AFF2: variants seen among roughly 807,000 people sequenced by gnomAD.
AFF2 encodes the protein AF4/FMR2 family member 2.
In AFF2, 14 loss-of-function variants were observed where a neutral mutation model predicts 76.9. The ratio of observed to expected loss-of-function variants is 0.18; its 90% CI spans 0.12 to 0.28. The LOEUF is 0.28. Among genes scored for constraint, AFF2 ranks in the 10% least tolerant of loss-of-function variants. The probability of loss-of-function intolerance (pLI) is 1.00; values close to 1 mark genes in which losing one functional copy is unlikely to be tolerated. For synonymous variants in AFF2, 398 were observed against 366.7 expected (o/e 1.09, Z -0.98); for missense variants, 868 against 1,001.1 (o/e 0.87, Z 1.79).
intron 3 of AFF2, among the ~76,000 whole-genome samples, chrX:148,756,744 G>T (rs976701819): frequency 2.7e-5 from 3 of 112,874 alleles, no homozygotes; most frequent in Non-Finnish European, 5.6e-5. Flanking sequence ...TATACATGGT[G>T]CTGACTGAAT....
intron 3 of AFF2, among the ~76,000 whole-genome samples, chrX:148,696,513 C>T (rs1222377393): frequency 5.4e-5 from 6 of 111,408 alleles, no homozygotes; most frequent in African/African-American, 2.0e-4. Flanking sequence ...TCTTCATATA[C>T]ATAGCTCTGG....
At chrX:148,739,083 G>A (rs180678325) in intron 3 of AFF2, among the ~76,000 whole-genome samples, 26 of 111,564 alleles carry the variant, frequency 2.3e-4, no homozygotes, top group East Asian at 8.4e-4. Flanking sequence ...AATAGAATGC[G>A]TATTCTACAG....
chrX:148,616,705 T>C (rs190857422), intron 1 of AFF2, among the ~76,000 whole-genome samples: 1,440 of 110,087 alleles, frequency 0.013, 37 homozygotes, highest in African/African-American at 0.043. Flanking sequence ...ATATATCTCC[T>C]AATGCTATCC....
At chrX:148,938,946 C>T (rs1489091839) in intron 9 of AFF2, among the ~76,000 whole-genome samples, 2 of 111,624 alleles carry the variant, frequency 1.8e-5, no homozygotes, top group African/African-American at 3.2e-5. Context: ...AGTGCATATA[C>T]TGGAAACATC....
chrX:148,551,735 C>G (rs1285401079), intron 1 of AFF2, among the ~76,000 whole-genome samples: 4 of 111,448 alleles, frequency 3.6e-5, no homozygotes, highest in African/African-American at 1.3e-4. Context: ...CAGGGCCAAT[C>G]AAGGGCTTCT....
At chrX:148,580,447 T>C (rs1557244206) in intron 1 of AFF2, among the ~76,000 whole-genome samples, 2 of 111,554 alleles carry the variant, frequency 1.8e-5, no homozygotes, top group African/African-American at 6.5e-5. Context: ...GCCAAGTCTC[T>C]TAGCACGGTA....
At chrX:148,952,629 T>G (rs5980611) in intron 9 of AFF2, among the ~76,000 whole-genome samples, 1 of 110,923 alleles carries the variant, frequency 9.0e-6, no homozygotes, top group South Asian at 3.8e-4. Flanking sequence ...GTGTACCAAG[T>G]TGCAGCTGAG....
At chrX:148,626,552 T>A (rs1195887165) in intron 1 of AFF2, among the ~76,000 whole-genome samples, 1 of 109,310 alleles carries the variant, frequency 9.1e-6, no homozygotes, top group African/African-American at 3.5e-5. Context: ...ATGGTTATAT[T>A]TTTTTCTTAC....
chrX:148,944,505 T>G (rs781971246), intron 9 of AFF2, among the ~76,000 whole-genome samples: 1 of 107,576 alleles, frequency 9.3e-6, no homozygotes, highest in East Asian at 3.0e-4. Context: ...CTCCCATTTT[T>G]AAAAATGGGC....
intron 3 of AFF2, among the ~76,000 whole-genome samples, chrX:148,738,768 T>A (rs2055315411): frequency 9.0e-6 from 1 of 111,702 alleles, no homozygotes; most frequent in African/African-American, 3.3e-5. Context: ...CTATGAACTT[T>A]CCTCTTGGCA....
intron 1 of AFF2, among the ~76,000 whole-genome samples, chrX:148,615,375 GA>G (rs1216360210): frequency 8.9e-6 from 1 of 112,070 alleles, no homozygotes; most frequent in Non-Finnish European, 1.9e-5. Context: ...ATTTTACATT[GA>G]CAGTGTCGTT....
intron 3 of AFF2, among the ~76,000 whole-genome samples, chrX:148,718,535 A>G (rs2055053173): frequency 9.0e-6 from 1 of 111,176 alleles, no homozygotes; most frequent in South Asian, 3.8e-4. Flanking sequence ...ATCCCTACCT[A>G]TCTAACTGGG....
At chrX:148,750,158 C>T (rs1377946989) in intron 3 of AFF2, among the ~76,000 whole-genome samples, 2 of 109,226 alleles carry the variant, frequency 1.8e-5, no homozygotes, top group South Asian at 8.0e-4. Context: ...TTAGTAGAGA[C>T]GGCATTTCAC....
At chrX:148,886,111 A>G (rs1359033961) in intron 8 of AFF2, 126 bp downstream of exon 8, 1 of 536,428 alleles carries the variant, frequency 1.9e-6, no homozygotes, top group East Asian at 3.4e-5. Context: ...AGAGAGGGAA[A>G]GAAGCAAAGA....
intron 1 of AFF2, among the ~76,000 whole-genome samples, chrX:148,531,606 T>C (rs782817422): frequency 1.7e-3 from 192 of 112,629 alleles, no homozygotes; most frequent in African/African-American, 5.6e-3. Context: ...TAGGGCATAG[T>C]GTAGGTGAAA....
At chrX:148,545,259 A>T (rs1291808304) in intron 1 of AFF2, among the ~76,000 whole-genome samples, 1 of 111,631 alleles carries the variant, frequency 9.0e-6, no homozygotes, top group Non-Finnish European at 1.9e-5. Flanking sequence ...TTGAACTCAC[A>T]GTTCAGGCCT....
At chrX:148,744,034 G>T (rs2055392577) in intron 3 of AFF2, among the ~76,000 whole-genome samples, 1 of 111,187 alleles carries the variant, frequency 9.0e-6, no homozygotes, top group Non-Finnish European at 1.9e-5. Flanking sequence ...TATAGAAACA[G>T]CCCAAGGAAT....
rs1183309983 is a variant in AFF2 at position 148,849,386 on chromosome X, C to G, written c.1262+5953C>G. On this transcript the variant is annotated intron_variant, in intron 7 of 20. Coordinates refer to ENST00000370460, the MANE Select transcript of AFF2 (RefSeq NM_002025.4). ...TCTCCTCCCCCCCCCCCCCCCCCCC[C>G]GCTGACCACCCCTCTCTCTCCTTCT... Among the ~76,000 whole-genome samples, 6 of 43,266 alleles carry G rather than the reference C, an allele frequency of 1.4e-4. 1 individual carries two copies. The highest frequency in any genetic ancestry group is 2.8e-4 in the Non-Finnish European group (6 of 21,690). The allele number at this position is 43,266 out of a possible 115,157, so 37.6% of individuals were successfully genotyped here.
intron 1 of AFF2, among the ~76,000 whole-genome samples, chrX:148,630,556 C>T (rs933609786): frequency 1.8e-5 from 2 of 111,605 alleles, no homozygotes; most frequent in Non-Finnish European, 3.8e-5. Context: ...CCCTCACTCC[C>T]GCCTAACAGT....
Sources: gnomAD v4.1 joint callset for allele counts (sites outside exome capture counted in the v4.1 genomes callset) on GRCh38, gnomAD v4.1.1 for gene constraint, MANE v1.5 for transcripts, NCBI Gene and HGNC (gene_info 2026-07-23, HGNC 2026-07-21) for gene names.